DSCAML1: variants seen among roughly 807,000 people sequenced by gnomAD.
DSCAML1 encodes the protein DS cell adhesion molecule like 1.
In DSCAML1, 38 loss-of-function variants were observed where a neutral mutation model predicts 200.5. The ratio of observed to expected loss-of-function variants is 0.19; its 90% CI spans 0.15 to 0.25. DSCAML1 has a LOEUF of 0.25. Ranked by LOEUF, DSCAML1 falls within the 10% of genes least tolerant of loss-of-function variation. DSCAML1 has a pLI of 1.00. For missense variants in DSCAML1, 2,223 were observed against 2,858.8 expected (o/e 0.78, Z 5.07); for synonymous variants, 1,215 against 1,165.0 (o/e 1.04, Z -0.87).
chr11:117,430,638 G>A, intron 32 of DSCAML1, 84 bp downstream of exon 32: 1 of 1,461,622 alleles, frequency 6.8e-7, no homozygotes, highest in South Asian at 1.3e-5. Flanking sequence ...TCCTGGTGCT[G>A]GCAGAACTAG....
chr11:117,743,570 C>T (rs1339876789), intron 3 of DSCAML1, among the ~76,000 whole-genome samples: 1 of 152,188 alleles, frequency 6.6e-6, no homozygotes, highest in Non-Finnish European at 1.5e-5. Context: ...TCAGCTCCCG[C>T]TGTCTGGCGT....
chr11:117,747,955 G>A (rs2054544560), intron 3 of DSCAML1, among the ~76,000 whole-genome samples: 1 of 152,064 alleles, frequency 6.6e-6, no homozygotes, highest in South Asian at 2.1e-4. Flanking sequence ...GAAGAGTCTT[G>A]GAGATCATCT....
intron 1 of DSCAML1, among the ~76,000 whole-genome samples, chr11:117,796,112 G>C (rs905372758): frequency 3.0e-4 from 45 of 152,366 alleles, no homozygotes; most frequent in African/African-American, 1.0e-3. Context: ...CCGACTCAGT[G>C]CCCAGGTGGC....
chr11:117,766,131 T>G (rs1364005573), intron 3 of DSCAML1, among the ~76,000 whole-genome samples: 5 of 152,242 alleles, frequency 3.3e-5, no homozygotes, highest in African/African-American at 1.2e-4. Context: ...CCTTGTGGCA[T>G]TGCGGACGCA....
At chr11:117,551,952 G>T (rs2050474309) in intron 3 of DSCAML1, among the ~76,000 whole-genome samples, 1 of 151,344 alleles carries the variant, frequency 6.6e-6, no homozygotes, top group Non-Finnish European at 1.5e-5. Context: ...GATCTCCGTG[G>T]CTAATCCTGT....
At chr11:117,515,322 G>C (rs2137302102) in intron 8 of DSCAML1, among the ~76,000 whole-genome samples, 1 of 152,218 alleles carries the variant, frequency 6.6e-6, no homozygotes, top group East Asian at 1.9e-4. Flanking sequence ...CAAGCCTGGG[G>C]GTATCCACCT....
intron 3 of DSCAML1, among the ~76,000 whole-genome samples, chr11:117,718,664 CA>C (rs67925411): frequency 0.22 from 9,243 of 42,628 alleles, 2,567 homozygotes; most frequent in East Asian, 0.52. Flanking sequence ...GATGAATACT[CA>C]AAACCCCCCC....
At chr11:117,644,966 G>C (rs1367464765) in intron 3 of DSCAML1, among the ~76,000 whole-genome samples, 1 of 152,242 alleles carries the variant, frequency 6.6e-6, no homozygotes, top group Non-Finnish European at 1.5e-5. Flanking sequence ...GACCCCGCAG[G>C]CCGCCTCAGA....
intron 2 of DSCAML1, among the ~76,000 whole-genome samples, chr11:117,778,907 C>A (rs2055181690): frequency 6.6e-6 from 1 of 152,212 alleles, no homozygotes; most frequent in African/African-American, 2.4e-5. Flanking sequence ...CAGGGAGAAA[C>A]CCTGAGCATA....
At chr11:117,455,021 G>C (rs1373085191) in intron 19 of DSCAML1, among the ~76,000 whole-genome samples, 1 of 152,164 alleles carries the variant, frequency 6.6e-6, no homozygotes, top group Non-Finnish European at 1.5e-5. Context: ...TGTCCCCTAG[G>C]GGAGGAGCTG....
intron 3 of DSCAML1, among the ~76,000 whole-genome samples, chr11:117,542,314 AAAC>A (rs879844125): frequency 5.8e-5 from 6 of 102,796 alleles, no homozygotes; most frequent in Non-Finnish European, 1.3e-4. Flanking sequence ...AAACAAAACA[AAAC>A]AAAACAAAAC....
chr11:117,467,201 CCT>C lies in DSCAML1; in HGVS notation c.3025-2021_3025-2020del, dbSNP rs1478326912. ...CATGCGCGTGCACACACACCTCCCC[CCT>C]CCCCCCGCCGCCAATATATCCATTC... On this transcript the variant is annotated intron_variant, in intron 16 of 32. Coordinates refer to ENST00000651296, the MANE Select transcript of DSCAML1 (RefSeq NM_020693.4). Among the ~76,000 whole-genome samples, 151 of 133,978 alleles carry C rather than the reference CCT, an allele frequency of 1.1e-3. 5 individuals carry two copies. The highest frequency in any genetic ancestry group is 3.5e-3 in the Middle Eastern group (1 of 288). 87.9% of individuals were successfully genotyped at this position (133,978 alleles called of 152,430 possible).
chr11:117,439,022 G>T lies in DSCAML1; in HGVS notation c.4145-39C>A, dbSNP rs1016504992. The stretch of plus-strand genomic sequence containing the variant: ...GCCACCACCCCTTAGCACAAGGGCG[G>T]ACCCTGTGATGGGGTGTGGGGAGTC... On this transcript the variant is annotated intron_variant, in intron 23 of 32. Transcript: ENST00000651296. The T allele has an allele frequency of 1.9e-6, 3 of 1,564,504 alleles. No homozygotes were observed. In the African/African-American group the frequency reaches 4.1e-5, roughly 21 times the overall value.
rs79278724 is a variant in DSCAML1 at position 117,647,947 on chromosome 11, G to A, written c.512-115425C>T. Among the ~76,000 whole-genome samples, 1,295 of 152,282 alleles carry A rather than the reference G, an allele frequency of 8.5e-3. 26 individuals carry two copies. In the East Asian group the frequency reaches 0.091, roughly 11 times the overall value. The stretch of plus-strand genomic sequence containing the variant: ...CCATGTCACGTCCCGCCGGCACGAT[G>A]GGGCTTCTGGTCCATCAGTAAAGAA... On this transcript the variant is annotated intron_variant, in intron 3 of 32. Coordinates refer to ENST00000651296, the MANE Select transcript of DSCAML1 (RefSeq NM_020693.4).
At chr11:117,441,135 T>C (rs754781781) in intron 21 of DSCAML1, among the ~76,000 whole-genome samples, 1 of 151,610 alleles carries the variant, frequency 6.6e-6, no homozygotes, top group Non-Finnish European at 1.5e-5. Context: ...TCTGGCTGGT[T>C]TGGGGGAAGA....
rs76049603 is a variant in DSCAML1 at position 117,666,050 on chromosome 11, C to T, written c.511+110741G>A. 3.7e-3 allele frequency among the ~76,000 whole-genome samples: 564 copies of T among 152,288 alleles called. 13 individuals carry two copies. The East Asian group carries it at 0.073, about 20-fold the overall frequency. ...AGTGGCTGGTTCTCCTCCATCACTG[C>T]GGTCAGAGCTCAGGGCTGCTGCTGA... On this transcript the variant is annotated intron_variant, in intron 3 of 32. Coordinates refer to ENST00000651296, the MANE Select transcript of DSCAML1 (RefSeq NM_020693.4).
At chr11:117,543,666 T>C (rs181595048) in intron 3 of DSCAML1, among the ~76,000 whole-genome samples, 86 of 152,328 alleles carry the variant, frequency 5.6e-4, no homozygotes, top group Non-Finnish European at 3.7e-4. Flanking sequence ...TTAACCTTTC[T>C]GGGCGTTTGC....
intron 14 of DSCAML1, among the ~76,000 whole-genome samples, chr11:117,474,064 G>A (rs142888554): frequency 6.6e-6 from 1 of 152,158 alleles, no homozygotes; most frequent in Non-Finnish European, 1.5e-5. Flanking sequence ...GACTGGGGCG[G>A]TGTGTCTGGA....
At chr11:117,683,912 T>G (rs2053355608) in intron 3 of DSCAML1, among the ~76,000 whole-genome samples, 1 of 152,198 alleles carries the variant, frequency 6.6e-6, no homozygotes, top group South Asian at 2.1e-4. Context: ...ATACCTTCTT[T>G]CAAGGACACA....
Sources: allele counts gnomAD v4.1 joint callset (sites outside exome capture counted in the v4.1 genomes callset), GRCh38; gene constraint gnomAD v4.1.1; transcripts MANE v1.5; gene names NCBI Gene and HGNC (gene_info 2026-07-23, HGNC 2026-07-21).